The following FRMD4B variants were observed in gnomAD, a reference collection of about 807,000 sequenced individuals.
FRMD4B encodes the protein FERM domain containing 4B, also known as FERM domain-containing protein 4B.
Under a neutral mutation model 141.5 loss-of-function variants are expected in FRMD4B, and 74 were observed. That is an observed-to-expected ratio of 0.52 (90% CI 0.43 to 0.63). The LOEUF is 0.63. Among genes scored for constraint, FRMD4B ranks in the 30% least tolerant of loss-of-function variants. The probability of loss-of-function intolerance (pLI) is 0.00; values close to 1 mark genes in which losing one functional copy is unlikely to be tolerated. For missense variants in FRMD4B, 1,366 were observed against 1,253.4 expected, an observed-to-expected ratio of 1.09 and a Z score of -1.36; for synonymous variants, 506 against 467.9, an observed-to-expected ratio of 1.08 and a Z score of -1.05.
intron 1 of FRMD4B, among the ~76,000 whole-genome samples, chr3:69,524,755 A>G (rs181814179): frequency 1.3e-5 from 2 of 152,348 alleles, no homozygotes; most frequent in East Asian, 3.9e-4. Flanking sequence ...AGTGGCACAC[A>G]CTTCCTCTCA....
intron 16 of FRMD4B, among the ~76,000 whole-genome samples, chr3:69,194,308 A>T (rs979749638): frequency 3.2e-4 from 49 of 152,174 alleles, no homozygotes; most frequent in Admixed American, 6.5e-4. Flanking sequence ...TTTCATTTGT[A>T]AAATGAAGAT....
chr3:69,193,469 T>C (rs1474609844), intron 17 of FRMD4B, among the ~76,000 whole-genome samples, 179 bp downstream of exon 17: 2 of 152,138 alleles, frequency 1.3e-5, no homozygotes, highest in African/African-American at 4.8e-5. Flanking sequence ...GATTGCCCCA[T>C]TGCACTCCAG....
intron 7 of FRMD4B, among the ~76,000 whole-genome samples, chr3:69,227,579 T>C (rs999331262): frequency 2.6e-5 from 4 of 151,562 alleles, no homozygotes; most frequent in Non-Finnish European, 4.4e-5. Context: ...GGAGAATCAC[T>C]TGAACCCAGG....
At chr3:69,189,606 A>C (rs1411403851) in intron 18 of FRMD4B, among the ~76,000 whole-genome samples, 1 of 151,780 alleles carries the variant, frequency 6.6e-6, no homozygotes, top group African/African-American at 2.4e-5. Context: ...AAAAGTTAAG[A>C]AACACTTTAG....
intron 17 of FRMD4B, among the ~76,000 whole-genome samples, chr3:69,190,918 C>G (rs1477955448): frequency 6.6e-6 from 1 of 152,210 alleles, no homozygotes; most frequent in Non-Finnish European, 1.5e-5. Context: ...TCACCTGGCT[C>G]AATCCCACAA....
rs374096393 is a variant in FRMD4B, at chr3:69,182,619, G to C, written c.2018C>G (p.Ala673Gly). 1.2e-6 allele frequency: 2 copies of C among 1,612,244 alleles called. No individual in the cohort carries two copies. The highest frequency in any genetic ancestry group is 1.7e-6 in the Non-Finnish European group (2 of 1,179,540). Residue 673 changes from alanine (A) to glycine (G), a missense_variant, in exon 20 of 23, where the codon GCC becomes GGC. Transcript: ENST00000398540. ...TTACTCCAAGTGGCTGCTGCTGTAGGCGTTTCGGGTAAGAACTGGCGTGGT... is the reference window on the plus strand; with the variant it reads ...TTACTCCAAGTGGCTGCTGCTGTAGCCGTTTCGGGTAAGAACTGGCGTGGT... The part of the protein sequence containing the change: ...MPTTPVLTRN[A>G]YSSSHLEPES...
At chr3:69,401,072 ATAATT>A (rs1704555709) in intron 2 of FRMD4B, among the ~76,000 whole-genome samples, 1 of 152,238 alleles carries the variant, frequency 6.6e-6, no homozygotes, top group East Asian at 1.9e-4. Flanking sequence ...ATTAAAATAA[ATAATT>A]TAAGATACAC....
intron 4 of FRMD4B, among the ~76,000 whole-genome samples, chr3:69,293,471 C>T (rs1407657361): frequency 7.9e-6 from 1 of 127,266 alleles, no homozygotes; most frequent in Admixed American, 8.4e-5. Context: ...GTTTAGCAGC[C>T]AATGAGTGGC....
intron 1 of FRMD4B, among the ~76,000 whole-genome samples, chr3:69,518,916 T>C (rs765171004): frequency 4.6e-5 from 7 of 152,174 alleles, no homozygotes; most frequent in Non-Finnish European, 1.0e-4. Context: ...CTGGGGGCAG[T>C]GGTTCTCAAA....
At chr3:69,499,461 A>G (rs902957723) in intron 1 of FRMD4B, among the ~76,000 whole-genome samples, 4 of 152,184 alleles carry the variant, frequency 2.6e-5, no homozygotes, top group African/African-American at 7.2e-5. Flanking sequence ...TAACTTTTGC[A>G]TGGGAGCTGA....
intron 5 of FRMD4B, among the ~76,000 whole-genome samples, chr3:69,274,168 G>C (rs35547879): frequency 6.6e-6 from 1 of 151,996 alleles, no homozygotes. Context: ...TGCATGTCCT[G>C]TCAAGGGGCT....
chr3:69,277,919 G>C (rs1013833468), intron 5 of FRMD4B, among the ~76,000 whole-genome samples: 25 of 150,094 alleles, frequency 1.7e-4, no homozygotes, highest in African/African-American at 6.1e-4. Context: ...ACAGTGGCCC[G>C]ATCTCGGCTC....
Position 69,524,285 on chromosome 3 carries a change from G to A in FRMD4B, c.-129+17921C>T, listed in dbSNP as rs114377154. ...TCTTATCCTAGAGGCCCACTTGGGA[G>A]TATTAAATGTGGAAATGTATCAGTC... is the stretch of plus-strand genomic sequence containing the variant. On this transcript the variant is annotated intron_variant, in intron 1 of 5. Transcript: ENST00000459638. Among the ~76,000 whole-genome samples, 381 of 152,292 alleles carry A rather than the reference G, an allele frequency of 2.5e-3. 1 individual carries two copies. The highest frequency in any genetic ancestry group is 4.5e-3 in the Non-Finnish European group (307 of 68,036).
intron 1 of FRMD4B, among the ~76,000 whole-genome samples, chr3:69,314,494 C>T (rs1460474096): frequency 1.3e-5 from 2 of 149,790 alleles, no homozygotes; most frequent in African/African-American, 4.9e-5. Flanking sequence ...CACCACTACA[C>T]TACAGTTTGA....
chr3:69,181,780 A>C (rs1443552598), intron 20 of FRMD4B, 70 bp from the exon 21 acceptor site: 1 of 910,086 alleles, frequency 1.1e-6, no homozygotes, highest in Non-Finnish European at 1.7e-6. Flanking sequence ...AAAAAAGAAT[A>C]GCATGCTGAA....
At chr3:69,303,038 CACTCCAGCCTGGGCAACAT>C (rs1196842768) in intron 3 of FRMD4B, among the ~76,000 whole-genome samples, 5 of 152,192 alleles carry the variant, frequency 3.3e-5, no homozygotes, top group African/African-American at 1.2e-4. Context: ...TGCACCATTG[CACTCCAGCCTGGGCAACAT>C]CCCCTGTTAG....
At chr3:69,480,546 C>T (rs1416925829) in intron 1 of FRMD4B, among the ~76,000 whole-genome samples, 2 of 152,132 alleles carry the variant, frequency 1.3e-5, no homozygotes, top group Non-Finnish European at 2.9e-5. Context: ...GTGAAAGCTG[C>T]TGTCTGATCG....
intron 1 of FRMD4B, among the ~76,000 whole-genome samples, chr3:69,534,108 T>C (rs554064035): frequency 6.6e-6 from 1 of 152,308 alleles, no homozygotes; most frequent in South Asian, 2.1e-4. Flanking sequence ...CCCAAGTGGT[T>C]TGTGTGCACC....
At chr3:69,270,482 T>G (rs564785507) in intron 5 of FRMD4B, among the ~76,000 whole-genome samples, 3 of 152,368 alleles carry the variant, frequency 2.0e-5, no homozygotes, top group African/African-American at 7.2e-5. Context: ...AGTTTGGTTT[T>G]GTAAGTTTCT....
Sources: allele counts gnomAD v4.1 joint callset (sites outside exome capture counted in the v4.1 genomes callset), GRCh38; gene constraint gnomAD v4.1.1; transcripts MANE v1.5; gene names NCBI Gene and HGNC (gene_info 2026-07-23, HGNC 2026-07-21).